The following SPTAN1 variants were observed in gnomAD, a reference collection of about 807,000 sequenced individuals.
SPTAN1 encodes spectrin alpha, non-erythrocytic 1, also known as spectrin alpha chain, non-erythrocytic 1.
Under a neutral mutation model 331.3 loss-of-function variants are expected in SPTAN1, and 61 were observed. The ratio of observed to expected loss-of-function variants is 0.18; its 90% confidence interval spans 0.15 to 0.23. The LOEUF (loss-of-function observed/expected upper bound fraction) is 0.23. SPTAN1 is among the 10% of genes least tolerant of loss of function. The pLI is 1.00. For synonymous variants in SPTAN1, 1,153 were observed against 1,173.9 expected (o/e 0.98, Z 0.36); for missense variants, 2,043 against 3,147.9 (o/e 0.65, Z 8.40).
intron 37 of SPTAN1, 94 bp from the exon 38 acceptor site, chr9:128,611,620 T>C: frequency 6.8e-7 from 1 of 1,477,262 alleles, no homozygotes; most frequent in Non-Finnish European, 9.3e-7. Context: ...TTCTTTATGT[T>C]TGCTGCCACT....
intron 40 of SPTAN1, among the ~76,000 whole-genome samples, chr9:128,614,004 CAAA>C (rs879679258): frequency 8.8e-6 from 1 of 113,934 alleles, no homozygotes. Context: ...GACTCCATCT[CAAA>C]AAAAAAAAAA....
At position 128,618,005 on chromosome 9, in the gene SPTAN1, A is replaced by G; in HGVS notation, c.5497A>G (p.Lys1833Glu). Reference sequence around the variant, plus strand: ...CTGTCAGGGTGTCCTGGACACTGGCAAGAAGCTGTCCGATGACAACACCAT... The same window carrying G: ...CTGTCAGGGTGTCCTGGACACTGGCGAGAAGCTGTCCGATGACAACACCAT... The part of the protein sequence containing the change: ...PAIQGVLDTG[K>E]KLSDDNTIGK... The change falls in exon 43 of 57, where the codon AAG (lysine) becomes GAG (glutamate). Residue 1833 changes from lysine (K) to glutamate (E), a missense_variant. Lys to Glu is a moderately conservative substitution (Grantham distance 56). Coordinates refer to ENST00000372739, the MANE Select transcript of SPTAN1 (RefSeq NM_001130438.3). 6.2e-7 allele frequency: 1 copy of G among 1,614,156 alleles called. No individual in the cohort carries two copies. The highest frequency in any genetic ancestry group is 8.5e-7 in the Non-Finnish European group (1 of 1,180,012).
intron 24 of SPTAN1, chr9:128,595,875 G>T (rs1854208734): frequency 6.6e-6 from 1 of 152,078 alleles, no homozygotes; most frequent in African/African-American, 2.4e-5. Flanking sequence ...GAGACAAGGT[G>T]TTCTGTTGCC....
chr9:128,584,087 T>G (rs572181991), intron 16 of SPTAN1, 118 bp downstream of exon 16: 1 of 1,471,550 alleles, frequency 6.8e-7, no homozygotes, highest in South Asian at 1.2e-5. Context: ...TTGATTTTCT[T>G]AGATCGCTCT....
chr9:128,600,745 C>T (rs1194849101), intron 27 of SPTAN1, among the ~76,000 whole-genome samples: 1 of 152,064 alleles, frequency 6.6e-6, no homozygotes, highest in Non-Finnish European at 1.5e-5. Flanking sequence ...TCACTGCAAC[C>T]TCCGCCTCCC....
chr9:128,556,313 T>G (rs1347167110), intron 1 of SPTAN1, among the ~76,000 whole-genome samples: 1 of 152,158 alleles, frequency 6.6e-6, no homozygotes, highest in Non-Finnish European at 1.5e-5. Context: ...AAAAAAAAAT[T>G]TAGTATCTTG....
At chr9:128,587,838 G>GATTTATTT (rs573630377) in intron 20 of SPTAN1, 140 bp downstream of exon 20, 6 of 691,884 alleles carry the variant, frequency 8.7e-6, no homozygotes, top group Admixed American at 2.4e-5. Context: ...TTTAAAATAA[G>GATTTATTT]ATTTATTTAT....
intron 25 of SPTAN1, 150 bp downstream of exon 25, chr9:128,598,654 T>C: frequency 1.3e-6 from 1 of 751,850 alleles, no homozygotes; most frequent in East Asian, 2.7e-5. Flanking sequence ...CAAAACCATT[T>C]TGATTAACTT....
intron 31 of SPTAN1, among the ~76,000 whole-genome samples, chr9:128,607,000 TGTCTATG>T (rs902437883): frequency 6.6e-6 from 1 of 152,144 alleles, no homozygotes; most frequent in Non-Finnish European, 1.5e-5. Context: ...CTGCTTTCTA[TGTCTATG>T]GATTTGCCTC....
chr9:128,568,689 G>T, intron 2 of SPTAN1, 83 bp from the exon 3 acceptor site: 1 of 1,587,366 alleles, frequency 6.3e-7, no homozygotes. Flanking sequence ...GGATTGAGGA[G>T]GGGAGGAACA....
rs1406900711 is a variant in SPTAN1, at chr9:128,577,066, G to A, written c.786-63G>A. On this transcript the variant is annotated intron_variant, in intron 6 of 56. Transcript: ENST00000372739. The surrounding 1 kb of genome is among the most constrained non-coding windows in gnomAD (Gnocchi z 4.2). Reference sequence around the variant, plus strand: ...GAGGCTGACTAGGCCTTGGTCCCATGGGGTGTTCCTAGTTCTAGGGAGTCA... The same window carrying A: ...GAGGCTGACTAGGCCTTGGTCCCATAGGGTGTTCCTAGTTCTAGGGAGTCA... 1 of 1,613,924 alleles carries A rather than the reference G, an allele frequency of 6.2e-7. No homozygotes were observed. Among genetic ancestry groups the A allele is most frequent in the Non-Finnish European group, 8.5e-7 (1 of 1,180,000 alleles).
At chr9:128,604,517 G>C (rs1855571241) in intron 29 of SPTAN1, 100 bp downstream of exon 29, 5 of 1,145,804 alleles carry the variant, frequency 4.4e-6, no homozygotes, top group Non-Finnish European at 5.1e-6. Context: ...GCAACTGCTG[G>C]CTCTTACTGA....
At chr9:128,609,490 A>G in intron 36 of SPTAN1, 161 bp from the exon 37 acceptor site, 1 of 955,954 alleles carries the variant, frequency 1.0e-6, no homozygotes, top group South Asian at 1.6e-5. Flanking sequence ...CATTAAAACT[A>G]TTTCTGCTGT....
In SPTAN1 at chr9:128,627,592, T is replaced by C. The variant is rs1334020293; in HGVS notation, c.6689+94T>C. 4.0e-6 allele frequency: 5 copies of C among 1,246,272 alleles called. No homozygotes were observed. The highest frequency in any genetic ancestry group is 1.5e-5 in the African/African-American group (1 of 67,164). The allele number at this position is 1,246,272 out of a possible 1,614,324, so 77.2% of individuals were successfully genotyped here. A position where few individuals can be genotyped will look rare whatever the true frequency, so the allele number is the denominator to read the frequency against. ...GCCCCAAGGAGGTGGTGGTGCTTTG[T>C]GTAAAACCAGAGGCAGCCTGGGAAT... On this transcript the variant is annotated intron_variant, in intron 50 of 56. Coordinates refer to ENST00000372739, the MANE Select transcript of SPTAN1 (RefSeq NM_001130438.3). The surrounding 1 kb of genome is among the most constrained non-coding windows in gnomAD (Gnocchi z 4.9).
At chr9:128,588,342 A>G (rs767231674) in intron 20 of SPTAN1, among the ~76,000 whole-genome samples, 3 of 78,420 alleles carry the variant, frequency 3.8e-5, no homozygotes, top group East Asian at 4.1e-4. Flanking sequence ...ATGGAGTTTC[A>G]CTCTTGTTGC....
At chr9:128,612,378 A>T (rs534337161) in intron 39 of SPTAN1, 132 bp downstream of exon 39, 569 of 1,166,022 alleles carry the variant, frequency 4.9e-4, no homozygotes, top group Non-Finnish European at 6.2e-4. Context: ...CCCTTATTAT[A>T]TATGAGTTGC....
Position 128,609,240 on chromosome 9 carries a change from C to G in SPTAN1, c.4714C>G (p.Gln1572Glu), listed in dbSNP as rs376255893. 6.2e-7 allele frequency: 1 copy of G among 1,614,234 alleles called. No individual in the cohort carries two copies. Among genetic ancestry groups the G allele is most frequent in the Non-Finnish European group, 8.5e-7 (1 of 1,180,046 alleles). The change falls in exon 36 of 57, where the codon CAA (glutamine) becomes GAA (glutamate). Residue 1572 changes from glutamine to glutamate, a missense_variant. Coordinates refer to ENST00000372739, the MANE Select transcript of SPTAN1 (RefSeq NM_001130438.3). ...TGAGGCTTGGATCAGTGAAAAATTG[C>G]AAACAGCGAGTGATGAGTCGTACAA... ...EIEAWISEKL[Q>E]TASDESYKDP...
intron 4 of SPTAN1, 110 bp from the exon 5 acceptor site, chr9:128,575,089 C>T (rs1289278464): frequency 2.1e-6 from 3 of 1,461,778 alleles, no homozygotes; most frequent in Non-Finnish European, 2.9e-6. Context: ...AAAACTGTAT[C>T]CATTAAAGCT....
At chr9:128,598,680 C>T in intron 25 of SPTAN1, 176 bp downstream of exon 25, 1 of 699,380 alleles carries the variant, frequency 1.4e-6, no homozygotes, top group Non-Finnish European at 2.6e-6. Flanking sequence ...TACCCATATC[C>T]CTCACTTTCA....
Sources: gnomAD v4.1 joint callset for allele counts (sites outside exome capture counted in the v4.1 genomes callset) on GRCh38, gnomAD v4.1.1 for gene constraint, Gnocchi (gnomAD v3.1) non-coding constraint, MANE v1.5 for transcripts, NCBI Gene and HGNC (gene_info 2026-07-23, HGNC 2026-07-21) for gene names.